TMCO1: variants seen among roughly 807,000 people sequenced by gnomAD.
TMCO1 encodes the protein transmembrane and coiled-coil domains 1.
A neutral mutation model predicts 29.3 loss-of-function variants in TMCO1; 29 were observed. That is an observed-to-expected ratio of 0.99 (90% confidence interval 0.74 to 1.35). The LOEUF (loss-of-function observed/expected upper bound fraction) is 1.35, where lower values mean the gene tolerates loss of function less well. Among genes scored for constraint, TMCO1 ranks in the 40% most tolerant of loss-of-function variants. TMCO1 has a pLI of 0.00. For synonymous variants in TMCO1, 80 were observed against 77.1 expected (o/e 1.04, Z -0.20); for missense variants, 173 against 225.5 (o/e 0.77, Z 1.49).
Position 165,727,181 on chromosome 1 carries a change from T to C in TMCO1, c.*842A>G, listed in dbSNP as rs1650930500. 1.1e-5 allele frequency: 5 copies of C among 454,090 alleles called. No homozygotes were observed. The highest frequency in any genetic ancestry group is 6.0e-5 in the African/African-American group (3 of 50,136). The allele number at this position is 454,090 out of a possible 1,614,324, so 28.1% of individuals were successfully genotyped here. A position where few individuals can be genotyped will look rare whatever the true frequency, so the allele number is the denominator to read the frequency against. ...CTCTGCGAGATTAACAACATATAAC[T>C]ATAACCTTGTCTCCAAGGGAGATCT... On this transcript the variant is annotated 3_prime_UTR_variant, in exon 7 of 7. Transcript: ENST00000367881.
rs570078300 is a variant in TMCO1 at position 165,758,186 on chromosome 1, G to A, written c.208+1339C>T. Among the ~76,000 whole-genome samples the A allele has an allele frequency of 3.3e-5, 5 of 152,134 alleles. No homozygotes were observed. The East Asian group carries it at 9.6e-4, about 29-fold the overall frequency. The stretch of plus-strand genomic sequence containing the variant: ...CTGACACTCTCCTCTCAACTTCTGT[G>A]ACACTACTACTTTCCAACTTATCTG... On this transcript the variant is annotated intron_variant, in intron 3 of 6. Coordinates refer to ENST00000367881, the MANE Select transcript of TMCO1 (RefSeq NM_019026.6).
At chr1:165,767,443 A>G (rs1652614460) in intron 2 of TMCO1, among the ~76,000 whole-genome samples, 1 of 152,144 alleles carries the variant, frequency 6.6e-6, no homozygotes, top group East Asian at 1.9e-4. Flanking sequence ...TTCTAACCCA[A>G]CTGAAACTCG....
downstream of TMCO1, chr1:165,726,108 T>C (rs1373005288): frequency 1.4e-6 from 1 of 696,736 alleles, no homozygotes; most frequent in Non-Finnish European, 2.6e-6. Flanking sequence ...TTTCATGTTT[T>C]ATTTTAGCCA....
rs1650972012 is a variant in TMCO1 at position 165,727,963 on chromosome 1, G to A, written c.*60C>T. On this transcript the variant is annotated 3_prime_UTR_variant, in exon 7 of 7. Coordinates refer to ENST00000367881, the MANE Select transcript of TMCO1 (RefSeq NM_019026.6). ...TACCTATGGCTCTTGCTACAAAACA[G>A]TTGCCAGTCTGATGTGTGTGTGTCT... The A allele has an allele frequency of 7.5e-7, 1 of 1,336,166 alleles. No homozygotes were observed. The highest frequency in any genetic ancestry group is 2.5e-5 in the East Asian group (1 of 39,234). The allele number at this position is 1,336,166 out of a possible 1,614,324, so 82.8% of individuals were successfully genotyped here.
chr1:165,749,742 C>A (rs7555523), intron 5 of TMCO1, among the ~76,000 whole-genome samples: 134,018 of 152,146 alleles, frequency 0.88, 59,111 homozygotes, highest in East Asian at 0.99. Flanking sequence ...CATTACTTAC[C>A]TAATGGAAAA....
intron 5 of TMCO1, among the ~76,000 whole-genome samples, chr1:165,744,058 C>T (rs533110528): frequency 1.4e-4 from 21 of 152,072 alleles, no homozygotes; most frequent in African/African-American, 4.6e-4. Context: ...CAGGGTTTCA[C>T]GATGTTGGCC....
rs939615999 is a variant in TMCO1 at position 165,726,930 on chromosome 1, G to C, written c.*1093C>G. 2 of 453,918 alleles carry C rather than the reference G, an allele frequency of 4.4e-6. No homozygotes were observed. The highest frequency in any genetic ancestry group is 8.8e-6 in the Non-Finnish European group (2 of 226,776). 28.1% of individuals were successfully genotyped at this position (453,918 alleles called of 1,614,324 possible). A position where few individuals can be genotyped will look rare whatever the true frequency, so the allele number is the denominator to read the frequency against. On this transcript the variant is annotated 3_prime_UTR_variant, in exon 7 of 7. Coordinates refer to ENST00000367881, the MANE Select transcript of TMCO1 (RefSeq NM_019026.6). ...ACTTTATGGTGCTGATAAGAAAGAA[G>C]TTTGCTGTTGGTTTAACAATGATTA...
intron 6 of TMCO1, among the ~76,000 whole-genome samples, chr1:165,739,650 A>C (rs1168088234): frequency 6.6e-6 from 1 of 152,064 alleles, no homozygotes; most frequent in Non-Finnish European, 1.5e-5. Flanking sequence ...TGGCCTCCCA[A>C]AGTGCTGGGA....
At chr1:165,755,487 C>T (rs1313928235) in intron 3 of TMCO1, among the ~76,000 whole-genome samples, 1 of 152,018 alleles carries the variant, frequency 6.6e-6, no homozygotes, top group Non-Finnish European at 1.5e-5. Flanking sequence ...TCAAGGGCAA[C>T]ACAGAGAGAC....
intron 6 of TMCO1, 150 bp downstream of exon 6, chr1:165,743,017 G>T: frequency 1.1e-6 from 1 of 908,310 alleles, no homozygotes; most frequent in Non-Finnish European, 1.7e-6. Flanking sequence ...ATTTAAAATG[G>T]CTTTTGGAAG....
At chr1:165,737,350 T>G (rs1038865461) in intron 6 of TMCO1, among the ~76,000 whole-genome samples, 1 of 151,828 alleles carries the variant, frequency 6.6e-6, no homozygotes, top group Non-Finnish European at 1.5e-5. Context: ...AAAAAAGATT[T>G]AAAAAAATTC....
chr1:165,765,571 C>A (rs551185181), intron 2 of TMCO1, among the ~76,000 whole-genome samples: 1 of 152,178 alleles, frequency 6.6e-6, no homozygotes, highest in Non-Finnish European at 1.5e-5. Flanking sequence ...CCTGAGCCAC[C>A]GCGCCCTGCC....
intron 2 of TMCO1, among the ~76,000 whole-genome samples, chr1:165,764,806 T>C (rs1328526967): frequency 6.6e-6 from 1 of 152,188 alleles, no homozygotes; most frequent in African/African-American, 2.4e-5. Flanking sequence ...AGATTTGTGT[T>C]TTAAAAAATT....
chr1:165,760,945 T>C (rs1380682004), intron 2 of TMCO1, among the ~76,000 whole-genome samples: 3 of 152,210 alleles, frequency 2.0e-5, no homozygotes, highest in Non-Finnish European at 4.4e-5. Context: ...CATATTATCT[T>C]AGTATACTAA....
intron 6 of TMCO1, among the ~76,000 whole-genome samples, chr1:165,728,658 T>C (rs1299485249): frequency 1.3e-5 from 2 of 152,182 alleles, no homozygotes; most frequent in Non-Finnish European, 2.9e-5. Context: ...ATGAAAGTGG[T>C]TGATTTTTTT....
At chr1:165,745,813 T>A (rs1651776364) in intron 5 of TMCO1, among the ~76,000 whole-genome samples, 1 of 152,024 alleles carries the variant, frequency 6.6e-6, no homozygotes, top group South Asian at 2.1e-4. Context: ...GACACAATAT[T>A]TTTTTTAAAT....
intron 5 of TMCO1, 96 bp from the exon 6 acceptor site, chr1:165,743,407 G>A (rs776865861): frequency 7.0e-6 from 9 of 1,293,274 alleles, no homozygotes; most frequent in Non-Finnish European, 9.7e-6. Flanking sequence ...AGAGCTTTAA[G>A]TCTCTGATCT....
chr1:165,753,090 A>G (rs1652060010), intron 4 of TMCO1, among the ~76,000 whole-genome samples: 1 of 152,140 alleles, frequency 6.6e-6, no homozygotes, highest in Admixed American at 6.6e-5. Flanking sequence ...AATAAAGCCT[A>G]CTCTTAATAA....
intron 3 of TMCO1, among the ~76,000 whole-genome samples, chr1:165,758,430 C>G (rs1254084582): frequency 6.6e-6 from 1 of 151,950 alleles, no homozygotes; most frequent in African/African-American, 2.4e-5. Flanking sequence ...GTGGTGCATG[C>G]CTATAGTCCC....
Sources: allele counts gnomAD v4.1 joint callset (sites outside exome capture counted in the v4.1 genomes callset), GRCh38; gene constraint gnomAD v4.1.1; transcripts MANE v1.5; gene names NCBI Gene and HGNC (gene_info 2026-07-23, HGNC 2026-07-21).